Variants in NMNAT1 observed in about 807,000 individuals in gnomAD.
NMNAT1 encodes nicotinamide/nicotinic acid mononucleotide adenylyltransferase 1.
NMNAT1 carries 11 observed loss-of-function variants against 16.7 expected under a neutral mutation model. The ratio of observed to expected loss-of-function variants is 0.66; its 90% CI spans 0.41 to 1.09. NMNAT1 has a LOEUF of 1.09. NMNAT1 is among the 50% of genes least tolerant of loss of function. The probability of loss-of-function intolerance (pLI) is 0.00; values close to 1 mark genes in which losing one functional copy is unlikely to be tolerated. For missense variants in NMNAT1, 280 were observed against 332.3 expected (o/e 0.84, Z 1.22); for synonymous variants, 110 against 119.8 (o/e 0.92, Z 0.53).
intron 1 of NMNAT1, chr1:9,947,547 C>G (rs1214427350): frequency 6.6e-6 from 1 of 152,382 alleles, no homozygotes; most frequent in African/African-American, 2.4e-5. Flanking sequence ...AACCTCCAAA[C>G]AAGCTCTCAA....
At chr1:9,993,438 T>G in the NMNAT1 span, among the ~76,000 whole-genome samples, 177 of 150,934 alleles carry the variant, frequency 1.2e-3, 2 homozygotes, top group Admixed American at 0.011. Context: ...ACTGTGCCAC[T>G]GCACTCCAGC....
rs527907442 is a variant in NMNAT1, at chr1:9,943,750, C to A, written c.-57+235C>A. On this transcript the variant is annotated intron_variant, in intron 1 of 4. Transcript: ENST00000377205. Reference sequence around the variant, plus strand: ...TGGATTCACCTTGGAAAGGAAAAATCTCTTTCTAGAAGAGTCTTGAGGTCT... The same window carrying A: ...TGGATTCACCTTGGAAAGGAAAAATATCTTTCTAGAAGAGTCTTGAGGTCT... Among the ~76,000 whole-genome samples the A allele has an allele frequency of 3.1e-3, 468 of 152,298 alleles. 6 individuals are homozygous for A. Among genetic ancestry groups the A allele is most frequent in the African/African-American group, 0.011 (438 of 41,568 alleles).
chr1:9,975,322 A>G (rs925537680), intron 2 of NMNAT1, among the ~76,000 whole-genome samples: 2 of 151,916 alleles, frequency 1.3e-5, no homozygotes, highest in Non-Finnish European at 2.9e-5. Flanking sequence ...CTAACATGGT[A>G]AAAACCCCAT....
chr1:9,966,899 A>T (rs1017961735), intron 1 of NMNAT1, among the ~76,000 whole-genome samples: 6 of 152,124 alleles, frequency 3.9e-5, no homozygotes, highest in African/African-American at 1.4e-4. Flanking sequence ...ACAATGAAGA[A>T]GTGCCTTTAT....
At chr1:9,986,754 C>T (rs57702810), downstream of NMNAT1, among the ~76,000 whole-genome samples, 3,090 of 151,960 alleles carry the variant, frequency 0.02, 121 homozygotes, top group Admixed American at 0.094. Flanking sequence ...TGGTGGTGTG[C>T]GCCTGTAGTC....
At chr1:9,955,336 G>A (rs551397965) in intron 1 of NMNAT1, among the ~76,000 whole-genome samples, 7 of 150,474 alleles carry the variant, frequency 4.7e-5, no homozygotes, top group Admixed American at 2.7e-4. Context: ...CCCGGGAGGC[G>A]GAGGTTGCAG....
rs760441306 is a variant in NMNAT1 at position 9,982,435 on chromosome 1, G to A, written c.574G>A (p.Asp192Asn). Residue 192 changes from aspartate (D) to asparagine (N), a missense_variant, in exon 5 of 5, where the codon GAT becomes AAT. Transcript: ENST00000377205. ...CATATGTGTTACTCGGGCTGGAAAT[G>A]ATGCTCAGAAGTTTATCTATGAATC... The part of the protein sequence containing the change: ...GLICVTRAGN[D>N]AQKFIYESDV... 6.8e-6 allele frequency: 11 copies of A among 1,614,174 alleles called. No individual in the cohort carries two copies. In the South Asian group the frequency reaches 1.1e-4, roughly 16 times the overall value.
the NMNAT1 span, among the ~76,000 whole-genome samples, chr1:9,990,503 T>C: frequency 6.6e-6 from 1 of 152,342 alleles, no homozygotes; most frequent in Middle Eastern, 3.4e-3. Context: ...TGCTTCTCCC[T>C]AAAGCTGATC....
chr1:9,972,071 A>C lies in NMNAT1; in HGVS notation c.-3A>C. ...TTTAGATCAACAACTTCAAGTTCTT[A>C]CCATGGAAAATTCCGAGAAGACTGA... On this transcript the variant is annotated 5_prime_UTR_variant, in exon 2 of 5. Transcript: ENST00000377205. 6.6e-7 allele frequency: 1 copy of C among 1,523,186 alleles called. No individual in the cohort carries two copies. Among genetic ancestry groups the C allele is most frequent in the Non-Finnish European group, 9.1e-7 (1 of 1,097,390 alleles). The allele number at this position is 1,523,186 out of a possible 1,614,324, so 94.4% of individuals were successfully genotyped here.
intron 3 of NMNAT1, among the ~76,000 whole-genome samples, chr1:9,977,283 C>T (rs1447900741): frequency 2.0e-5 from 3 of 151,722 alleles, no homozygotes; most frequent in Admixed American, 1.3e-4. Flanking sequence ...GATGGGGCCT[C>T]GCTATGTTGC....
Position 9,972,117 on chromosome 1 carries a change from G to A in NMNAT1, c.44G>A (p.Gly15Asp). ...ACTGAAGTGGTTCTCCTTGCTTGTG[G>A]TTCATTCAATCCCATCACCAACATG... Reference protein sequence around the residue: ...EKTEVVLLACGSFNPITNMHL... With the variant: ...EKTEVVLLACDSFNPITNMHL... The change falls in exon 2 of 5, where the codon GGT (glycine) becomes GAT (aspartate). Residue 15 changes from glycine to aspartate, a missense_variant. Coordinates refer to ENST00000377205, the MANE Select transcript of NMNAT1 (RefSeq NM_022787.4). The A allele has an allele frequency of 6.8e-6, 11 of 1,613,020 alleles. No homozygotes were observed. The highest frequency in any genetic ancestry group is 9.3e-6 in the Non-Finnish European group (11 of 1,179,138).
chr1:9,966,663 C>G (rs1641551344), intron 1 of NMNAT1, among the ~76,000 whole-genome samples: 1 of 151,950 alleles, frequency 6.6e-6, no homozygotes, highest in Non-Finnish European at 1.5e-5. Context: ...ATTTGAAAAC[C>G]TTTACAATAG....
At chr1:9,956,666 G>A (rs1218021961) in intron 1 of NMNAT1, among the ~76,000 whole-genome samples, 3 of 150,800 alleles carry the variant, frequency 2.0e-5, no homozygotes, top group African/African-American at 7.3e-5. Context: ...CAGGTGATCC[G>A]CCCACCTTGG....
At chr1:9,970,148 C>CA (rs1297700954) in intron 1 of NMNAT1, among the ~76,000 whole-genome samples, 1 of 151,924 alleles carries the variant, frequency 6.6e-6, no homozygotes, top group Admixed American at 6.6e-5. Flanking sequence ...AGAAGGTAGT[C>CA]AAAGGGTATG....
the NMNAT1 span, among the ~76,000 whole-genome samples, chr1:9,991,042 A>T: frequency 6.6e-6 from 1 of 152,190 alleles, no homozygotes; most frequent in African/African-American, 2.4e-5. Context: ...GCTGGCCAGA[A>T]GCCATACCAA....
chr1:9,990,258 A>G (rs1376058391), downstream of NMNAT1, among the ~76,000 whole-genome samples: 1 of 152,144 alleles, frequency 6.6e-6, no homozygotes, highest in Non-Finnish European at 1.5e-5. Context: ...CTGTGAGTCA[A>G]CACTGTCATC....
intron 4 of NMNAT1, 42 bp from the exon 5 acceptor site, chr1:9,982,259 G>T: frequency 6.4e-7 from 1 of 1,554,350 alleles, no homozygotes; most frequent in South Asian, 1.2e-5. Flanking sequence ...AGGTAGAGGG[G>T]AAGAAAAAGC....
At chr1:9,973,824 G>GACTC (rs1641744554) in intron 2 of NMNAT1, among the ~76,000 whole-genome samples, 14 of 150,050 alleles carry the variant, frequency 9.3e-5, no homozygotes, top group Non-Finnish European at 1.5e-4. Flanking sequence ...AGGAGTTTGA[G>GACTC]ATCAGCCTGG....
intron 1 of NMNAT1, among the ~76,000 whole-genome samples, chr1:9,948,468 T>C (rs114887438): frequency 0.018 from 2,685 of 152,010 alleles, 34 homozygotes; most frequent in Non-Finnish European, 0.027. Context: ...TCCCAGCTAC[T>C]TGGGGTAAGG....
Sources: gnomAD v4.1 joint callset for allele counts (sites outside exome capture counted in the v4.1 genomes callset) on GRCh38, gnomAD v4.1.1 for gene constraint, MANE v1.5 for transcripts, NCBI Gene and HGNC (gene_info 2026-07-23, HGNC 2026-07-21) for gene names.